TSC22D1: variants seen among roughly 807,000 people sequenced by gnomAD.
TSC22D1 encodes the protein TSC22 domain family member 1.
Under a neutral mutation model 74.2 loss-of-function variants are expected in TSC22D1, and 9 were observed. The ratio of observed to expected loss-of-function variants is 0.12; its 90% CI spans 0.07 to 0.21. TSC22D1 has a LOEUF of 0.21. Ranked by LOEUF, TSC22D1 falls within the 10% of genes least tolerant of loss-of-function variation. The pLI, the probability that TSC22D1 is intolerant of heterozygous loss-of-function variation, is 1.00. For missense variants in TSC22D1, 1,427 were observed against 1,304.7 expected, an observed-to-expected ratio of 1.09 and a Z score of -1.44; for synonymous variants, 586 against 492.5, an observed-to-expected ratio of 1.19 and a Z score of -2.51.
chr13:44,502,561 A>G (rs1271437913), intron 1 of TSC22D1, among the ~76,000 whole-genome samples: 1 of 152,234 alleles, frequency 6.6e-6, no homozygotes, highest in Non-Finnish European at 1.5e-5. Context: ...TTCATACAAC[A>G]AATGCTTAGC....
intron 1 of TSC22D1, among the ~76,000 whole-genome samples, chr13:44,546,169 T>C (rs1171571278): frequency 1.3e-5 from 2 of 152,224 alleles, no homozygotes; most frequent in East Asian, 3.9e-4. Flanking sequence ...AATAATTAAA[T>C]GTAAAAGATT....
At chr13:44,536,685 G>A in intron 1 of TSC22D1, 1 of 932,008 alleles carries the variant, frequency 1.1e-6, no homozygotes, top group Non-Finnish European at 1.3e-6. Flanking sequence ...GATCAATCTA[G>A]CATTAAAAGA....
chr13:44,495,688 T>C (rs1878941159), intron 1 of TSC22D1, among the ~76,000 whole-genome samples: 1 of 152,122 alleles, frequency 6.6e-6, no homozygotes. Context: ...ACTGAGAATC[T>C]AGATATAAAC....
At chr13:44,507,236 T>C (rs1280886917) in intron 1 of TSC22D1, among the ~76,000 whole-genome samples, 1 of 151,986 alleles carries the variant, frequency 6.6e-6, no homozygotes, top group Admixed American at 6.6e-5. Context: ...ACAGGTACCT[T>C]ATGGGAGGAA....
intron 1 of TSC22D1, among the ~76,000 whole-genome samples, chr13:44,495,515 G>C (rs909759048): frequency 1.1e-4 from 16 of 152,200 alleles, no homozygotes; most frequent in African/African-American, 3.4e-4. Context: ...AAATATGAAA[G>C]TCAGTACTAT....
intron 1 of TSC22D1, among the ~76,000 whole-genome samples, chr13:44,501,545 G>T (rs988493175): frequency 6.6e-6 from 1 of 151,860 alleles, no homozygotes; most frequent in Non-Finnish European, 1.5e-5. Context: ...GGGCACACTT[G>T]GTCCCAGAGG....
intron 1 of TSC22D1, among the ~76,000 whole-genome samples, chr13:44,499,138 A>G (rs1879109885): frequency 6.6e-6 from 1 of 152,222 alleles, no homozygotes; most frequent in South Asian, 2.1e-4. Flanking sequence ...TCACTCCTGT[A>G]CCACTATCTA....
chr13:44,550,379 C>T (rs1882152439), intron 1 of TSC22D1, among the ~76,000 whole-genome samples: 1 of 151,930 alleles, frequency 6.6e-6, no homozygotes, highest in Admixed American at 6.6e-5. Context: ...GTCAGGAGTT[C>T]GAGACCAGCC....
chr13:44,466,068 A>C (rs763783227), intron 1 of TSC22D1, among the ~76,000 whole-genome samples: 1 of 152,236 alleles, frequency 6.6e-6, no homozygotes, highest in African/African-American at 2.4e-5. Flanking sequence ...AAAATTTACA[A>C]GGATATTCCT....
intron 1 of TSC22D1, among the ~76,000 whole-genome samples, chr13:44,491,640 A>G (rs969705306): frequency 6.6e-6 from 1 of 152,188 alleles, no homozygotes; most frequent in African/African-American, 2.4e-5. Flanking sequence ...AAAAAAATCC[A>G]ATAGAAAATT....
chr13:44,538,598 AAG>A (rs1881289182), intron 1 of TSC22D1: 53 of 985,440 alleles, frequency 5.4e-5, no homozygotes, highest in East Asian at 1.1e-4. Flanking sequence ...TCTGAATAGA[AAG>A]AAATATTTTC....
chr13:44,558,844 A>T (rs1487392643), intron 1 of TSC22D1, among the ~76,000 whole-genome samples: 1 of 152,230 alleles, frequency 6.6e-6, no homozygotes, highest in East Asian at 1.9e-4. Context: ...TATGGGATTC[A>T]GAGATGGAGG....
chr13:44,445,216 T>TAC (rs55714213), intron 1 of TSC22D1, among the ~76,000 whole-genome samples: 17,661 of 144,388 alleles, frequency 0.12, 1,048 homozygotes, highest in Non-Finnish European at 0.13. Flanking sequence ...AGGTCAAAGA[T>TAC]ACACACACAC....
At chr13:44,549,237 C>T (rs1352611869) in intron 1 of TSC22D1, among the ~76,000 whole-genome samples, 1 of 152,164 alleles carries the variant, frequency 6.6e-6, no homozygotes, top group East Asian at 1.9e-4. Context: ...TGATATTAGA[C>T]ATCTGCAGAA....
chr13:44,503,546 CAGTTGTCCCAAT>C (rs1254006265), intron 1 of TSC22D1, among the ~76,000 whole-genome samples: 1 of 152,108 alleles, frequency 6.6e-6, no homozygotes, highest in African/African-American at 2.4e-5. Flanking sequence ...GTAAATCATC[CAGTTGTCCCAAT>C]AGTTTTCTTC....
At chr13:44,501,310 C>T (rs138860329) in intron 1 of TSC22D1, among the ~76,000 whole-genome samples, 68 of 152,302 alleles carry the variant, frequency 4.5e-4, no homozygotes, top group African/African-American at 1.6e-3. Flanking sequence ...AAATGTCACA[C>T]ATCAGAGAGA....
intron 1 of TSC22D1, among the ~76,000 whole-genome samples, chr13:44,517,827 G>GTATATATATA (rs1278120734): frequency 4.1e-4 from 10 of 24,632 alleles, no homozygotes; most frequent in Admixed American, 1.6e-3. Flanking sequence ...GTGTGTGTGT[G>GTATATATATA]TGTATATATA....
chr13:44,457,361 A>C (rs1876718777), intron 1 of TSC22D1, among the ~76,000 whole-genome samples: 1 of 152,232 alleles, frequency 6.6e-6, no homozygotes, highest in African/African-American at 2.4e-5. Context: ...ACACTGGATC[A>C]AAAACATCAA....
At chr13:44,455,005 G>A (rs1248647762) in intron 1 of TSC22D1, among the ~76,000 whole-genome samples, 4 of 152,166 alleles carry the variant, frequency 2.6e-5, no homozygotes, top group South Asian at 2.1e-4. Context: ...AGGGGATTCA[G>A]TATGAACAAA....
Sources: gnomAD v4.1 joint callset for allele counts (sites outside exome capture counted in the v4.1 genomes callset) on GRCh38, gnomAD v4.1.1 for gene constraint, MANE v1.5 for transcripts, NCBI Gene and HGNC (gene_info 2026-07-23, HGNC 2026-07-21) for gene names.